CTBP2: variants seen among roughly 807,000 people sequenced by gnomAD.
CTBP2 encodes C-terminal binding protein 2.
In CTBP2, 30 loss-of-function variants were observed where a neutral mutation model predicts 80.3. The observed-to-expected ratio is 0.37, with a 90% CI of 0.28 to 0.51. The LOEUF is 0.51. Ranked by LOEUF, CTBP2 falls within the 20% of genes least tolerant of loss-of-function variation. The pLI is 0.93. For missense variants in CTBP2, 1,212 were observed against 1,375.3 expected (o/e 0.88, Z 1.88); for synonymous variants, 594 against 587.4 (o/e 1.01, Z -0.16).
At chr10:125,045,388 ATTTAGT>A (rs1305315936) in intron 2 of CTBP2, among the ~76,000 whole-genome samples, 2 of 152,166 alleles carry the variant, frequency 1.3e-5, no homozygotes, top group Non-Finnish European at 2.9e-5. Context: ...ATTTTTGCAA[ATTTAGT>A]TTTATGTTTT....
intron 2 of CTBP2, among the ~76,000 whole-genome samples, chr10:125,097,960 T>A (rs1224363219): frequency 6.6e-6 from 1 of 152,100 alleles, no homozygotes; most frequent in African/African-American, 2.4e-5. Context: ...TGAAACCCCA[T>A]CTCTACTAAA....
At chr10:125,118,169 T>C (rs1853651117) in intron 1 of CTBP2, among the ~76,000 whole-genome samples, 1 of 152,136 alleles carries the variant, frequency 6.6e-6, no homozygotes, top group Non-Finnish European at 1.5e-5. Context: ...GTCTCAGATG[T>C]AGTCAATTAA....
chr10:125,003,196 C>T (rs2134274677), intron 2 of CTBP2, 92 bp from the exon 5 acceptor site: 4 of 1,594,014 alleles, frequency 2.5e-6, no homozygotes, highest in Middle Eastern at 1.7e-4. Context: ...CACCCTTGAA[C>T]CTGAGGCAGA....
rs180859314 is a variant in CTBP2, at chr10:124,985,868, T to A, written c.*3650A>T. ...CCATCAACAATGTGCTGCTCCCAGA[T>A]TGCCATGCCAGAGGGTCTTCGGATT... is the stretch of plus-strand genomic sequence containing the variant. On this transcript the variant is annotated 3_prime_UTR_variant, in exon 9 of 9. Coordinates refer to ENST00000309035, the MANE Select transcript of CTBP2 (RefSeq NM_022802.3). 6.6e-6 allele frequency: 1 copy of A among 151,770 alleles called. No homozygotes were observed. The highest frequency in any genetic ancestry group is 2.4e-5 in the African/African-American group (1 of 41,436). The allele number at this position is 151,770 out of a possible 1,614,324, so 9.4% of individuals were successfully genotyped here. A position where few individuals can be genotyped will look rare whatever the true frequency, so the allele number is the denominator to read the frequency against.
chr10:125,130,934 C>A (rs139763117), intron 1 of CTBP2, among the ~76,000 whole-genome samples: 80 of 152,320 alleles, frequency 5.3e-4, no homozygotes, highest in Middle Eastern at 6.8e-3. Context: ...CGCCTCCGAC[C>A]CACTGTATCT....
At chr10:125,047,921 T>C (rs931594917) in intron 2 of CTBP2, among the ~76,000 whole-genome samples, 5 of 152,188 alleles carry the variant, frequency 3.3e-5, no homozygotes, top group Non-Finnish European at 4.4e-5. Flanking sequence ...TGATGAGATA[T>C]GAATTTGTAA....
In CTBP2 at chr10:125,026,730, G is replaced by A. The variant is rs371418994; in HGVS notation, c.1030C>T (p.Arg344Cys). Residue 344 changes from arginine (R) to cysteine (C), a missense_variant, in exon 1 of 9, where the codon CGC becomes TGC. Arg to Cys is a radical substitution (Grantham distance 180, BLOSUM62 -3). This residue lies in a region of CTBP2 where 848 missense variants were observed against 782.3 expected (regional missense o/e 1.08). Transcript: ENST00000309035. ...TCGGTCCTGCAGCTATTGGCCAGGC[G>A]GCTCAGAACACGGGCCTGGCCCAGG... 15 of 1,612,926 alleles carry A rather than the reference G, an allele frequency of 9.3e-6. No individual in the cohort carries two copies. In the East Asian group the frequency reaches 1.1e-4, roughly 12 times the overall value.
intron 5 of CTBP2, among the ~76,000 whole-genome samples, 161 bp downstream of exon 7, chr10:124,994,308 G>A (rs1261330200): frequency 6.6e-6 from 1 of 152,232 alleles, no homozygotes; most frequent in African/African-American, 2.4e-5. Context: ...GCCCGAGGAA[G>A]GGGCTTCACG....
chr10:125,122,187 C>T (rs774523110), intron 1 of CTBP2, among the ~76,000 whole-genome samples: 1 of 152,220 alleles, frequency 6.6e-6, no homozygotes, highest in Non-Finnish European at 1.5e-5. Context: ...GAATCCTGAA[C>T]TAACTTACAC....
intron 1 of CTBP2, among the ~76,000 whole-genome samples, chr10:125,009,346 A>C (rs1420031292): frequency 6.6e-6 from 1 of 152,132 alleles, no homozygotes; most frequent in Non-Finnish European, 1.5e-5. Context: ...TGTGGCTCCC[A>C]GCCTCATGCA....
At chr10:125,072,057 G>C (rs771597083) in intron 2 of CTBP2, among the ~76,000 whole-genome samples, 1 of 152,198 alleles carries the variant, frequency 6.6e-6, no homozygotes, top group Non-Finnish European at 1.5e-5. Flanking sequence ...TTTCTGGCCA[G>C]AACATAATCC....
chr10:125,029,910 C>T (rs187199899), upstream of CTBP2, among the ~76,000 whole-genome samples: 138 of 152,192 alleles, frequency 9.1e-4, no homozygotes, highest in African/African-American at 3.1e-3. Flanking sequence ...AAGGGGTGAT[C>T]GCAGGAGCAG....
intron 1 of CTBP2, among the ~76,000 whole-genome samples, chr10:125,005,043 C>T (rs574443661): frequency 3.9e-5 from 6 of 152,338 alleles, no homozygotes; most frequent in East Asian, 3.9e-4. Context: ...GTTAGCCACA[C>T]GCTCGGAGAC....
Position 125,024,807 on chromosome 10 carries a change from C to T in CTBP2, c.1678+1275G>A, listed in dbSNP as rs74163314. 5.2e-3 allele frequency among the ~76,000 whole-genome samples: 787 copies of T among 152,294 alleles called. 6 individuals carry two copies. Among genetic ancestry groups the T allele is most frequent in the African/African-American group, 0.018 (730 of 41,564 alleles). On this transcript the variant is annotated intron_variant, in intron 1 of 8. Transcript: ENST00000309035. ...ACAGGCCCTCGGAAAAATTATCTGACGTCCCTCCTGCCGCACATGTATTTG... is the reference window on the plus strand; with the variant it reads ...ACAGGCCCTCGGAAAAATTATCTGATGTCCCTCCTGCCGCACATGTATTTG...
chr10:125,115,993 A>T (rs897391220), intron 1 of CTBP2, among the ~76,000 whole-genome samples: 1 of 152,148 alleles, frequency 6.6e-6, no homozygotes, highest in Non-Finnish European at 1.5e-5. Flanking sequence ...ACTAGATGCA[A>T]CATCAACTAT....
At chr10:125,070,876 G>T (rs1590524600) in intron 2 of CTBP2, among the ~76,000 whole-genome samples, 1 of 152,228 alleles carries the variant, frequency 6.6e-6, no homozygotes, top group Admixed American at 6.5e-5. Context: ...TGGCCAGGCT[G>T]CTCTCAGTCT....
At chr10:125,056,190 A>G (rs1463903371) in intron 2 of CTBP2, among the ~76,000 whole-genome samples, 1 of 148,600 alleles carries the variant, frequency 6.7e-6, no homozygotes, top group Non-Finnish European at 1.5e-5. Flanking sequence ...AATAATAATA[A>G]TAATAGTAAT....
rs144493332 is a variant in CTBP2 at position 125,027,276 on chromosome 10, C to T, written c.484G>A (p.Gly162Ser). 1.5e-5 allele frequency: 25 copies of T among 1,613,434 alleles called. No individual in the cohort carries two copies. In the Admixed American group the frequency reaches 3.0e-4, roughly 19 times the overall value. ...CCTCCAGGATCCCGGTACAGGTGAC[C>T]GGCGTCCTGCAGGGCAGGTGACCGG... Residue 162 changes from glycine to serine, a missense_variant, in exon 1 of 9, where the codon GGT becomes AGT. Gly to Ser is a moderately conservative substitution (Grantham distance 56, BLOSUM62 0). This residue lies in a region of CTBP2 where 848 missense variants were observed against 782.3 expected (regional missense o/e 1.08). Coordinates refer to ENST00000309035, the MANE Select transcript of CTBP2 (RefSeq NM_022802.3).
intron 2 of CTBP2, among the ~76,000 whole-genome samples, chr10:125,087,605 C>T (rs542295982): frequency 6.6e-6 from 1 of 152,218 alleles, no homozygotes; most frequent in Non-Finnish European, 1.5e-5. Flanking sequence ...CTCTCATCCC[C>T]CCACTTAGTC....
Sources: allele counts gnomAD v4.1 joint callset (sites outside exome capture counted in the v4.1 genomes callset), GRCh38; gene constraint gnomAD v4.1.1; regional missense constraint gnomAD v4.1.1; transcripts MANE v1.5; gene names NCBI Gene and HGNC (gene_info 2026-07-23, HGNC 2026-07-21).